Variants in DDX46 observed in about 807,000 individuals in gnomAD.
DDX46 encodes the protein probable ATP-dependent RNA helicase DDX46.
A neutral mutation model predicts 134.9 loss-of-function variants in DDX46; 30 were observed. That is an observed-to-expected ratio of 0.22 (90% confidence interval 0.17 to 0.30). The LOEUF is 0.30. Ranked by LOEUF, DDX46 falls within the 10% of genes least tolerant of loss-of-function variation. DDX46 has a pLI of 1.00. For synonymous variants in DDX46, 415 were observed against 404.1 expected (o/e 1.03, Z -0.32); for missense variants, 622 against 1,248.7 (o/e 0.50, Z 7.56).
intron 13 of DDX46, among the ~76,000 whole-genome samples, chr5:134,793,222 CACTA>C (rs1423877108): frequency 3.3e-5 from 5 of 152,012 alleles, no homozygotes; most frequent in Non-Finnish European, 5.9e-5. Context: ...ATTAAAAAAA[CACTA>C]AGTAAGGTTT....
At chr5:134,797,167 C>CA (rs61547263) in intron 15 of DDX46, 1,260 of 22,912 alleles carry the variant, frequency 0.055, 239 homozygotes, top group Non-Finnish European at 0.074. Flanking sequence ...AACTCCGTCT[C>CA]AAAAAAAAAA....
chr5:134,811,621 A>C (rs1755143894), intron 17 of DDX46, 75 bp from the exon 18 acceptor site: 1 of 1,471,490 alleles, frequency 6.8e-7, no homozygotes, highest in Non-Finnish European at 9.1e-7. Flanking sequence ...CACCTTGAAA[A>C]ATATTTAATT....
At chr5:134,797,181 A>AC (rs1561865659) in intron 15 of DDX46, 4 of 288,954 alleles carry the variant, frequency 1.4e-5, no homozygotes, top group African/African-American at 9.3e-5. Context: ...AAAAAAAAAA[A>AC]AAAAAAAAAA....
At chr5:134,810,998 T>TC (rs1201794463) in intron 16 of DDX46, among the ~76,000 whole-genome samples, 1 of 152,068 alleles carries the variant, frequency 6.6e-6, no homozygotes, top group Non-Finnish European at 1.5e-5. Context: ...AGAGTGAGAC[T>TC]CCATCTCAAA....
At chr5:134,784,838 G>A (rs142828893) in intron 10 of DDX46, 5 of 182,958 alleles carry the variant, frequency 2.7e-5, no homozygotes, top group South Asian at 3.0e-4. Flanking sequence ...TTATATTGAG[G>A]TTTGTTAGCC....
At chr5:134,825,122 A>C (rs745366475) in intron 21 of DDX46, among the ~76,000 whole-genome samples, 3 of 152,214 alleles carry the variant, frequency 2.0e-5, no homozygotes, top group Non-Finnish European at 2.9e-5. Flanking sequence ...TAAAAGTAGG[A>C]AAATTGATTT....
chr5:134,772,594 T>C (rs1337046669), intron 4 of DDX46, among the ~76,000 whole-genome samples: 2 of 152,152 alleles, frequency 1.3e-5, no homozygotes, highest in Non-Finnish European at 2.9e-5. Context: ...CCCAGGAATT[T>C]GGGAGTTCAA....
intron 4 of DDX46, among the ~76,000 whole-genome samples, chr5:134,772,571 T>C (rs1353638953): frequency 6.6e-6 from 1 of 152,026 alleles, no homozygotes; most frequent in Non-Finnish European, 1.5e-5. Context: ...GTGCTGTGGC[T>C]CATGCCTGTA....
At position 134,829,027 on chromosome 5, in the gene DDX46, T is replaced by C. The variant is rs1188991310; in HGVS notation, c.*321T>C. Reference sequence around the variant, plus strand: ...GAACTTTCTATTGAAGACAATAAAGTACACAAGTCGTTAAGGGGCTATTCA... The same window carrying C: ...GAACTTTCTATTGAAGACAATAAAGCACACAAGTCGTTAAGGGGCTATTCA... On this transcript the variant is annotated 3_prime_UTR_variant, in exon 23 of 23. Coordinates refer to ENST00000452510, the MANE Select transcript of DDX46 (RefSeq NM_001300860.2). 4 of 186,796 alleles carry C rather than the reference T, an allele frequency of 2.1e-5. No homozygotes were observed. Among genetic ancestry groups the C allele is most frequent in the African/African-American group, 9.3e-5 (4 of 43,046 alleles). 11.6% of individuals were successfully genotyped at this position (186,796 alleles called of 1,614,324 possible).
At chr5:134,803,380 G>C (rs2150152722) in intron 15 of DDX46, among the ~76,000 whole-genome samples, 1 of 151,810 alleles carries the variant, frequency 6.6e-6, no homozygotes, top group Non-Finnish European at 1.5e-5. Context: ...CCAGATAGTT[G>C]GGCAGCATAT....
In DDX46 at chr5:134,828,800, T is replaced by A. The variant is rs1043440301; in HGVS notation, c.*94T>A. 1.9e-5 allele frequency: 18 copies of A among 971,608 alleles called. No individual in the cohort carries two copies. Among genetic ancestry groups the A allele is most frequent in the Admixed American group, 9.5e-5 (3 of 31,712 alleles). 60.2% of individuals were successfully genotyped at this position (971,608 alleles called of 1,614,324 possible). A position where few individuals can be genotyped will look rare whatever the true frequency, so the allele number is the denominator to read the frequency against. Reference sequence around the variant, plus strand: ...CAATGTATTGTAAATGAAGATTTTTTAAATTCTATCTTGCTGATTTTTTTT... The same window carrying A: ...CAATGTATTGTAAATGAAGATTTTTAAAATTCTATCTTGCTGATTTTTTTT... On this transcript the variant is annotated 3_prime_UTR_variant, in exon 23 of 23. Coordinates refer to ENST00000452510, the MANE Select transcript of DDX46 (RefSeq NM_001300860.2).
chr5:134,782,392 A>G (rs1211613789), intron 8 of DDX46, among the ~76,000 whole-genome samples: 4 of 152,154 alleles, frequency 2.6e-5, no homozygotes, highest in Non-Finnish European at 5.9e-5. Context: ...CTGTAATCCT[A>G]GCACTTTGGG....
intron 15 of DDX46, chr5:134,804,911 G>T: frequency 5.9e-6 from 2 of 340,256 alleles, no homozygotes; most frequent in South Asian, 2.8e-5. Flanking sequence ...CTGCTGACAT[G>T]TTTTTTTTTG....
chr5:134,801,796 G>T (rs1311463629), intron 15 of DDX46, among the ~76,000 whole-genome samples: 1 of 150,578 alleles, frequency 6.6e-6, no homozygotes, highest in African/African-American at 2.5e-5. Context: ...TTAGTTGGTT[G>T]TTTTTTTTAT....
chr5:134,807,271 C>T (rs921886619), intron 15 of DDX46, among the ~76,000 whole-genome samples: 2 of 150,932 alleles, frequency 1.3e-5, no homozygotes, highest in African/African-American at 2.4e-5. Context: ...CTGCCCGCCT[C>T]GGCCTCTCAA....
chr5:134,818,795 C>T (rs1389850638), intron 20 of DDX46, 65 bp from the exon 21 acceptor site: 4 of 1,472,908 alleles, frequency 2.7e-6, no homozygotes, highest in Non-Finnish European at 3.7e-6. Context: ...TAGTCTTTGT[C>T]AGCACTCCTG....
chr5:134,762,554 G>A (rs554664836), intron 1 of DDX46, among the ~76,000 whole-genome samples: 2 of 151,790 alleles, frequency 1.3e-5, no homozygotes, highest in South Asian at 4.2e-4. Flanking sequence ...CCAATGTGGT[G>A]AAACTGCCTC....
In DDX46 at chr5:134,815,705, T is replaced by TTA. The variant is rs1561873183; in HGVS notation, c.2437-725_2437-724insTA. On this transcript the variant is annotated intron_variant, in intron 18 of 22. Coordinates refer to ENST00000452510, the MANE Select transcript of DDX46 (RefSeq NM_001300860.2). ...CTGGGAGACAGAGCGAGACTCTGTC[T>TTA]CAAAAAAAAAAAAAAAAAAAAAAAA... 4.8e-3 allele frequency among the ~76,000 whole-genome samples: 97 copies of TTA among 20,312 alleles called. 1 individual carries two copies. Among genetic ancestry groups the TTA allele is most frequent in the Admixed American group, 0.016 (21 of 1,344 alleles). The allele number at this position is 20,312 out of a possible 152,430, so 13.3% of individuals were successfully genotyped here.
At chr5:134,824,331 G>A (rs1375990153) in intron 21 of DDX46, among the ~76,000 whole-genome samples, 2 of 152,178 alleles carry the variant, frequency 1.3e-5, no homozygotes, top group Non-Finnish European at 2.9e-5. Flanking sequence ...GGTGGCTCAC[G>A]CCTGTAATCC....
Sources: allele counts gnomAD v4.1 joint callset (sites outside exome capture counted in the v4.1 genomes callset), GRCh38; gene constraint gnomAD v4.1.1; transcripts MANE v1.5; gene names NCBI Gene and HGNC (gene_info 2026-07-23, HGNC 2026-07-21).